The following ZFPM2 variants were observed in gnomAD, a reference collection of about 807,000 sequenced individuals.
ZFPM2 encodes the protein zinc finger protein ZFPM2.
In ZFPM2, 20 loss-of-function variants were observed where a neutral mutation model predicts 98.6. That is an observed-to-expected ratio of 0.20 (90% CI 0.14 to 0.29). The LOEUF (loss-of-function observed/expected upper bound fraction) is 0.29, where lower values mean the gene tolerates loss of function less well. Among genes scored for constraint, ZFPM2 ranks in the 10% least tolerant of loss-of-function variants. The pLI, the probability that ZFPM2 is intolerant of heterozygous loss-of-function variation, is 1.00. For synonymous variants in ZFPM2, 518 were observed against 502.7 expected, an observed-to-expected ratio of 1.03 and a Z score of -0.41; for missense variants, 1,310 against 1,388.6, an observed-to-expected ratio of 0.94 and a Z score of 0.90.
At chr8:105,352,945 A>G (rs1368893525) in intron 1 of ZFPM2, among the ~76,000 whole-genome samples, 4 of 152,146 alleles carry the variant, frequency 2.6e-5, no homozygotes, top group African/African-American at 4.8e-5. Context: ...TTCACTGTGG[A>G]GCACAACATT....
At chr8:105,335,879 G>A (rs1247242146) in intron 1 of ZFPM2, among the ~76,000 whole-genome samples, 2 of 151,800 alleles carry the variant, frequency 1.3e-5, no homozygotes, top group Non-Finnish European at 2.9e-5. Flanking sequence ...ATCAAATGGT[G>A]CTGCCCCTCC....
intron 1 of ZFPM2, among the ~76,000 whole-genome samples, chr8:105,324,512 A>G (rs1186167869): frequency 6.6e-6 from 1 of 151,852 alleles, no homozygotes; most frequent in African/African-American, 2.4e-5. Context: ...CCATTTCACT[A>G]TTAGTTGTTA....
intron 4 of ZFPM2, among the ~76,000 whole-genome samples, chr8:105,581,451 C>G (rs1563729244): frequency 6.7e-6 from 1 of 149,840 alleles, no homozygotes; most frequent in Admixed American, 6.6e-5. Context: ...TAGAAACAAG[C>G]CTTTTCTATT....
intron 1 of ZFPM2, among the ~76,000 whole-genome samples, chr8:105,362,972 C>G (rs1004168011): frequency 6.6e-5 from 10 of 152,144 alleles, no homozygotes; most frequent in Non-Finnish European, 1.2e-4. Flanking sequence ...GCTAAGACAG[C>G]TGGAGTGGGA....
intron 4 of ZFPM2, among the ~76,000 whole-genome samples, chr8:105,599,011 TAGCTAGCATGGC>T (rs1816033464): frequency 4.6e-5 from 7 of 152,128 alleles, no homozygotes; most frequent in Admixed American, 3.9e-4. Flanking sequence ...CTAATCACAC[TAGCTAGCATGGC>T]TATGGAACAC....
chr8:105,619,262 C>T (rs767316540), intron 4 of ZFPM2, among the ~76,000 whole-genome samples: 3 of 152,048 alleles, frequency 2.0e-5, no homozygotes, highest in African/African-American at 2.4e-5. Context: ...TGTGTTTGGT[C>T]ATGGACCATC....
chr8:105,378,361 C>A (rs1002944706), intron 1 of ZFPM2, among the ~76,000 whole-genome samples: 1 of 152,090 alleles, frequency 6.6e-6, no homozygotes, highest in Non-Finnish European at 1.5e-5. Flanking sequence ...TGAAAACTTA[C>A]GATATTTCCA....
chr8:105,677,664 T>C (rs1810503090), intron 5 of ZFPM2, among the ~76,000 whole-genome samples: 1 of 151,508 alleles, frequency 6.6e-6, no homozygotes, highest in African/African-American at 2.4e-5. Context: ...GTGCTTTGAA[T>C]AATAGGATTT....
At chr8:105,497,224 A>T (rs1410679016) in intron 3 of ZFPM2, among the ~76,000 whole-genome samples, 1 of 151,836 alleles carries the variant, frequency 6.6e-6, no homozygotes, top group Non-Finnish European at 1.5e-5. Flanking sequence ...TGACCTTGTG[A>T]TCCACCCACC....
intron 3 of ZFPM2, among the ~76,000 whole-genome samples, chr8:105,548,926 A>T (rs1463835977): frequency 6.6e-6 from 1 of 152,206 alleles, no homozygotes; most frequent in Non-Finnish European, 1.5e-5. Flanking sequence ...ATTTTGAATG[A>T]GTAAATATGT....
intron 5 of ZFPM2, among the ~76,000 whole-genome samples, chr8:105,674,311 G>C (rs1455077266): frequency 6.6e-6 from 1 of 152,210 alleles, no homozygotes; most frequent in Non-Finnish European, 1.5e-5. Flanking sequence ...CTGTGAGAGA[G>C]AGGGTTTGAC....
intron 4 of ZFPM2, among the ~76,000 whole-genome samples, chr8:105,594,291 T>A (rs945368976): frequency 6.6e-6 from 1 of 152,130 alleles, no homozygotes; most frequent in Non-Finnish European, 1.5e-5. Flanking sequence ...AAACATTAAT[T>A]TCTAGAAGAT....
chr8:105,706,195 T>C (rs1811255798), intron 5 of ZFPM2, among the ~76,000 whole-genome samples: 2 of 152,224 alleles, frequency 1.3e-5, no homozygotes, highest in South Asian at 4.2e-4. Flanking sequence ...AACTGCTATA[T>C]TGCTTTTAAA....
chr8:105,344,549 T>TA (rs1328471068), intron 1 of ZFPM2, among the ~76,000 whole-genome samples: 1 of 152,174 alleles, frequency 6.6e-6, no homozygotes, highest in African/African-American at 2.4e-5. Flanking sequence ...TATTTATTTT[T>TA]ATACACAGTA....
chr8:105,571,519 A>G (rs184286370), intron 4 of ZFPM2, among the ~76,000 whole-genome samples: 1 of 152,346 alleles, frequency 6.6e-6, no homozygotes, highest in Admixed American at 6.5e-5. Context: ...ATGTGCTGAT[A>G]GGTCTGGCAT....
intron 1 of ZFPM2, among the ~76,000 whole-genome samples, chr8:105,362,589 C>T (rs904721143): frequency 2.6e-5 from 4 of 152,064 alleles, no homozygotes; most frequent in Admixed American, 6.6e-5. Context: ...ACTCAAGTGC[C>T]GATTTATATC....
chr8:105,443,328 A>AAAAAAAAAAAAAAAAAAAAAAC (rs1563661173), intron 2 of ZFPM2, among the ~76,000 whole-genome samples: 2 of 146,474 alleles, frequency 1.4e-5, no homozygotes, highest in African/African-American at 5.1e-5. Context: ...ACAAAAAACA[A>AAAAAAAAAAAAAAAAAAAAAAC]AAAAAAAAAA....
intron 4 of ZFPM2, among the ~76,000 whole-genome samples, chr8:105,575,102 C>A (rs1372097331): frequency 6.6e-6 from 1 of 152,094 alleles, no homozygotes; most frequent in Non-Finnish European, 1.5e-5. Context: ...AGGAGGCAGA[C>A]ATGTGCACAA....
intron 3 of ZFPM2, among the ~76,000 whole-genome samples, chr8:105,498,243 A>C (rs1306505052): frequency 3.9e-5 from 6 of 152,152 alleles, no homozygotes; most frequent in Non-Finnish European, 7.3e-5. Flanking sequence ...TAAGGCATTC[A>C]TTCTTTATCT....
Sources: gnomAD v4.1 joint callset for allele counts (sites outside exome capture counted in the v4.1 genomes callset) on GRCh38, gnomAD v4.1.1 for gene constraint, MANE v1.5 for transcripts, NCBI Gene and HGNC (gene_info 2026-07-23, HGNC 2026-07-21) for gene names.